Variants in CDKAL1 observed in about 807,000 individuals in gnomAD.
CDKAL1 encodes CDKAL1 threonylcarbamoyladenosine tRNA methylthiotransferase.
A neutral mutation model predicts 68.2 loss-of-function variants in CDKAL1; 32 were observed. That is an observed-to-expected ratio of 0.47 (90% CI 0.35 to 0.63). CDKAL1 has a LOEUF of 0.63. Among genes scored for constraint, CDKAL1 ranks in the 30% least tolerant of loss-of-function variants. The pLI, the probability that CDKAL1 is intolerant of heterozygous loss-of-function variation, is 0.00. For synonymous variants in CDKAL1, 234 were observed against 244.3 expected (o/e 0.96, Z 0.39); for missense variants, 606 against 696.7 (o/e 0.87, Z 1.47).
chr6:20,738,643 C>T (rs1773307129), intron 5 of CDKAL1, among the ~76,000 whole-genome samples: 2 of 151,962 alleles, frequency 1.3e-5, no homozygotes. Context: ...GGACTACAGA[C>T]ACGCCCCACC....
At chr6:20,694,935 C>G (rs561099427) in intron 5 of CDKAL1, among the ~76,000 whole-genome samples, 1 of 152,216 alleles carries the variant, frequency 6.6e-6, no homozygotes, top group Admixed American at 6.5e-5. Flanking sequence ...GCCCTGTGAC[C>G]CCTGCACACA....
chr6:21,013,153 T>C (rs1189067457), intron 11 of CDKAL1, among the ~76,000 whole-genome samples: 1 of 152,200 alleles, frequency 6.6e-6, no homozygotes, highest in Non-Finnish European at 1.5e-5. Flanking sequence ...CTGAGGTGGC[T>C]ATGATACTGT....
chr6:20,819,840 A>G (rs1777201667), intron 8 of CDKAL1, among the ~76,000 whole-genome samples: 1 of 151,948 alleles, frequency 6.6e-6, no homozygotes, highest in Admixed American at 6.6e-5. Flanking sequence ...ATTTATTTTT[A>G]TTTATTATTT....
chr6:21,110,266 TAG>T (rs1348504764), intron 13 of CDKAL1, among the ~76,000 whole-genome samples: 4 of 152,208 alleles, frequency 2.6e-5, no homozygotes. Flanking sequence ...CCGGCCTCCT[TAG>T]TAGCCTTTAC....
chr6:20,899,309 T>A (rs1207204286), intron 9 of CDKAL1, among the ~76,000 whole-genome samples: 1 of 151,984 alleles, frequency 6.6e-6, no homozygotes, highest in African/African-American at 2.4e-5. Context: ...GTGATCCACC[T>A]GCCTCGGCCT....
At chr6:21,213,120 G>A (rs1779221053) in intron 15 of CDKAL1, among the ~76,000 whole-genome samples, 1 of 152,148 alleles carries the variant, frequency 6.6e-6, no homozygotes, top group African/African-American at 2.4e-5. Flanking sequence ...AGGTCAGACC[G>A]TGGGTTTGGC....
intron 13 of CDKAL1, among the ~76,000 whole-genome samples, chr6:21,121,882 T>C (rs1198099663): frequency 6.6e-6 from 1 of 152,140 alleles, no homozygotes; most frequent in Non-Finnish European, 1.5e-5. Context: ...TTCAGCAAAG[T>C]GTGTATAGAG....
At chr6:20,544,452 C>T (rs919982267) in intron 2 of CDKAL1, among the ~76,000 whole-genome samples, 1 of 151,512 alleles carries the variant, frequency 6.6e-6, no homozygotes, top group Non-Finnish European at 1.5e-5. Flanking sequence ...AAAAATTAGC[C>T]GGGCATGGTG....
chr6:20,883,849 G>A (rs4546483), intron 9 of CDKAL1, among the ~76,000 whole-genome samples: 110,675 of 152,082 alleles, frequency 0.73, 40,523 homozygotes, highest in East Asian at 0.81. Flanking sequence ...AAAAGTAATT[G>A]CACCCAGTAA....
At chr6:20,538,218 G>A (rs112606517) in intron 2 of CDKAL1, among the ~76,000 whole-genome samples, 60 of 151,626 alleles carry the variant, frequency 4.0e-4, no homozygotes, top group Non-Finnish European at 7.2e-4. Context: ...GTGTGGTTGA[G>A]CATTCTTTCC....
At chr6:20,715,372 C>T (rs756821561) in intron 5 of CDKAL1, among the ~76,000 whole-genome samples, 2 of 152,202 alleles carry the variant, frequency 1.3e-5, no homozygotes, top group African/African-American at 2.4e-5. Flanking sequence ...TCAGGCCCAT[C>T]CATGACGGGA....
intron 13 of CDKAL1, among the ~76,000 whole-genome samples, chr6:21,140,649 G>C (rs527414953): frequency 1.3e-5 from 2 of 152,282 alleles, no homozygotes; most frequent in Admixed American, 6.5e-5. Context: ...AGGGGCCGGA[G>C]ATGCTAAACA....
chr6:20,990,403 A>G lies in CDKAL1; in HGVS notation c.910-9824A>G, dbSNP rs138099938. On this transcript the variant is annotated intron_variant, in intron 10 of 15. Transcript: ENST00000274695. The stretch of plus-strand genomic sequence containing the variant: ...CCTGATGATTGTGACACTAAGATGA[A>G]TTGGTAATGGTAAGGGAACACTGAA... 6.6e-3 allele frequency among the ~76,000 whole-genome samples: 1,006 copies of G among 152,356 alleles called. 7 individuals are homozygous for G. Among genetic ancestry groups the G allele is most frequent in the Admixed American group, 0.012 (182 of 15,304 alleles).
intron 12 of CDKAL1, among the ~76,000 whole-genome samples, chr6:21,098,955 C>T (rs1299388818): frequency 6.6e-6 from 1 of 152,048 alleles, no homozygotes; most frequent in African/African-American, 2.4e-5. Context: ...GTAGGGAGTC[C>T]TAAATAGAAG....
chr6:20,977,150 G>A (rs1440138098), intron 10 of CDKAL1, among the ~76,000 whole-genome samples: 2 of 152,138 alleles, frequency 1.3e-5, no homozygotes, highest in Non-Finnish European at 2.9e-5. Flanking sequence ...ATGACCTAGT[G>A]TAATTAATAT....
chr6:21,069,814 C>T lies in CDKAL1; in HGVS notation c.1236+4586C>T, dbSNP rs1452411285. On this transcript the variant is annotated intron_variant, in intron 12 of 15. Coordinates refer to ENST00000274695, the MANE Select transcript of CDKAL1 (RefSeq NM_017774.3). The stretch of plus-strand genomic sequence containing the variant: ...TTTTTTTTTTTTTTTTAAAACAGAG[C>T]CTTGCTCTGTCACCCAGGCTGGAGT... Among the ~76,000 whole-genome samples, 7 of 89,544 alleles carry T rather than the reference C, an allele frequency of 7.8e-5. No individual in the cohort carries two copies. In the Admixed American group the frequency reaches 8.7e-4, roughly 11 times the overall value. The allele number at this position is 89,544 out of a possible 152,430, so 58.7% of individuals were successfully genotyped here.
At chr6:21,045,019 C>G (rs1004590320) in intron 11 of CDKAL1, among the ~76,000 whole-genome samples, 1 of 152,168 alleles carries the variant, frequency 6.6e-6, no homozygotes, top group Non-Finnish European at 1.5e-5. Context: ...CAGCCTTGCC[C>G]TTTTATAAGG....
chr6:20,608,079 T>G (rs1233051136), intron 4 of CDKAL1, among the ~76,000 whole-genome samples: 2 of 152,202 alleles, frequency 1.3e-5, no homozygotes, highest in Non-Finnish European at 2.9e-5. Flanking sequence ...AATTAACATA[T>G]GCATAGTAAA....
intron 5 of CDKAL1, among the ~76,000 whole-genome samples, chr6:20,732,187 A>G (rs960730658): frequency 3.3e-5 from 5 of 150,486 alleles, no homozygotes; most frequent in Non-Finnish European, 7.4e-5. Flanking sequence ...CTGGGACTAC[A>G]GGTGTGTACC....
Sources: gnomAD v4.1 joint callset for allele counts (sites outside exome capture counted in the v4.1 genomes callset) on GRCh38, gnomAD v4.1.1 for gene constraint, MANE v1.5 for transcripts, NCBI Gene and HGNC (gene_info 2026-07-23, HGNC 2026-07-21) for gene names.